SCLY: variants seen among roughly 807,000 people sequenced by gnomAD.
SCLY encodes the protein selenocysteine lyase.
SCLY carries 38 observed loss-of-function variants against 50.1 expected under a neutral mutation model. The observed-to-expected ratio is 0.76, with a 90% CI of 0.59 to 0.99. The LOEUF (loss-of-function observed/expected upper bound fraction) is 0.99, where lower values mean the gene tolerates loss of function less well. Among genes scored for constraint, SCLY ranks in the 50% least tolerant of loss-of-function variants. The pLI, the probability that SCLY is intolerant of heterozygous loss-of-function variation, is 0.00. For synonymous variants in SCLY, 243 were observed against 249.4 expected, an observed-to-expected ratio of 0.97 and a Z score of 0.24; for missense variants, 600 against 620.0, an observed-to-expected ratio of 0.97 and a Z score of 0.34.
At chr2:238,062,657 C>T (rs2065029152) in intron 1 of SCLY, among the ~76,000 whole-genome samples, 1 of 152,232 alleles carries the variant, frequency 6.6e-6, no homozygotes, top group Admixed American at 6.5e-5. Flanking sequence ...GGTGATCTGC[C>T]CGCCTTGGCC....
At chr2:238,061,653 T>A (rs1160721144) in intron 1 of SCLY, among the ~76,000 whole-genome samples, 1 of 152,064 alleles carries the variant, frequency 6.6e-6, no homozygotes, top group Non-Finnish European at 1.5e-5. Flanking sequence ...CAGTTGGGGA[T>A]CTTGTAACAA....
chr2:238,062,505 G>A (rs1425372666), intron 1 of SCLY, among the ~76,000 whole-genome samples: 3 of 151,970 alleles, frequency 2.0e-5, no homozygotes, highest in African/African-American at 4.8e-5. Flanking sequence ...CACTGCCCGG[G>A]TTCAAACGAT....
chr2:238,077,864 T>C (rs968142189), intron 4 of SCLY, among the ~76,000 whole-genome samples: 1 of 151,634 alleles, frequency 6.6e-6, no homozygotes, highest in Admixed American at 6.6e-5. Flanking sequence ...ATGTGAATAA[T>C]AGGAAAAGGG....
intron 8 of SCLY, chr2:238,092,870 A>T (rs1242823684): frequency 6.5e-6 from 1 of 153,084 alleles, no homozygotes; most frequent in African/African-American, 2.4e-5. Flanking sequence ...GCAGCCCTGC[A>T]CCTGAGCCCT....
chr2:238,062,089 A>T (rs116754386), intron 1 of SCLY, among the ~76,000 whole-genome samples: 3,420 of 152,298 alleles, frequency 0.022, 57 homozygotes, highest in Non-Finnish European at 0.034. Context: ...TTATGAAGCT[A>T]ACAAAGTTGA....
chr2:238,076,320 G>A (rs2065173558), intron 4 of SCLY, among the ~76,000 whole-genome samples: 2 of 152,104 alleles, frequency 1.3e-5, no homozygotes, highest in Admixed American at 1.3e-4. Context: ...TCGAACTCCT[G>A]AACTCAAGTG....
chr2:238,091,215 C>T lies in SCLY; in HGVS notation c.885-3C>T. 1 of 1,612,638 alleles carries T rather than the reference C, an allele frequency of 6.2e-7. No individual in the cohort carries two copies. Among genetic ancestry groups the T allele is most frequent in the Non-Finnish European group, 8.5e-7 (1 of 1,178,684 alleles). ...TTCTTGCTTAATCCCTTGTTTCTTA[C>T]AGGACAGAGAACACCCCAATGATTG... On this transcript the variant is annotated splice_polypyrimidine_tract_variant and splice_region_variant and intron_variant, in intron 7 of 11. Coordinates refer to ENST00000254663, the MANE Select transcript of SCLY (RefSeq NM_016510.7).
In SCLY at chr2:238,083,297, T is replaced by C. The variant is rs35637307; in HGVS notation, c.827T>C (p.Phe276Ser). ...CTTTATATACGAGGACTTGGTGAAT[T>C]TACCCCTCTCTACCCTATGCTATTT... is the stretch of plus-strand genomic sequence containing the variant. Reference protein sequence around the residue: ...GALYIRGLGEFTPLYPMLFGG... With the variant: ...GALYIRGLGESTPLYPMLFGG... Residue 276 changes from phenylalanine (F) to serine (S), a missense_variant, in exon 7 of 12, where the codon TTT becomes TCT. Coordinates refer to ENST00000254663, the MANE Select transcript of SCLY (RefSeq NM_016510.7). This position sits in a 1 kb window ranked among gnomAD's most constrained non-coding sequence, Gnocchi z 4.3. 4.7e-3 allele frequency: 7,561 copies of C among 1,613,952 alleles called. 311 individuals carry two copies. The African/African-American group carries it at 0.09, about 19-fold the overall frequency.
chr2:238,091,596 C>A, intron 8 of SCLY: 1 of 319,708 alleles, frequency 3.1e-6, no homozygotes, highest in Non-Finnish European at 6.1e-6. Flanking sequence ...CGTTCTGTCC[C>A]CGATTGGTCT....
rs770235735 is a variant in SCLY, at chr2:238,094,421, C to A, written c.1007C>A (p.Ala336Asp). The A allele has an allele frequency of 1.6e-5, 26 of 1,611,578 alleles. No homozygotes were observed. In the South Asian group the frequency reaches 2.8e-4, roughly 17 times the overall value. Residue 336 changes from alanine to aspartate, a missense_variant and splice_region_variant, in exon 10 of 12, where the codon GCT (alanine) becomes GAT (aspartate). Coordinates refer to ENST00000254663, the MANE Select transcript of SCLY (RefSeq NM_016510.7). ...AAATATTTCACTTATTTTTTTCAGGCTGAATTCGGTCAGAAGAGAATCCAT... is the reference window on the plus strand; with the variant it reads ...AAATATTTCACTTATTTTTTTCAGGATGAATTCGGTCAGAAGAGAATCCAT... ...VRDYLEERLE[A>D]EFGQKRIHLN...
chr2:238,089,166 C>T (rs775404917), intron 7 of SCLY, among the ~76,000 whole-genome samples: 65 of 151,942 alleles, frequency 4.3e-4, no homozygotes, highest in Non-Finnish European at 7.5e-4. Context: ...ATACCATTTA[C>T]AATGAAACAA....
rs756727387 is a variant in SCLY, at chr2:238,083,311, C to T, written c.841C>T (p.Pro281Ser). The change falls in exon 7 of 12, where the codon CCT becomes TCT. Residue 281 changes from proline to serine, a missense_variant. Physicochemically the swap from Pro to Ser is moderately conservative, Grantham distance 74. Transcript: ENST00000254663. The surrounding 1 kb of genome is among the most constrained non-coding windows in gnomAD (Gnocchi z 4.3). ...RGLGEFTPLY[P>S]MLFGGGQERN... ...ACTTGGTGAATTTACCCCTCTCTAC[C>T]CTATGCTATTTGGAGGTGGACAAGA... The T allele has an allele frequency of 5.0e-6, 8 of 1,613,818 alleles. No individual in the cohort carries two copies. The Admixed American group carries it at 1.2e-4, about 24-fold the overall frequency.
chr2:238,098,114 C>A, intron 11 of SCLY, 88 bp from the exon 12 acceptor site: 1 of 1,486,050 alleles, frequency 6.7e-7, no homozygotes, highest in East Asian at 2.4e-5. Flanking sequence ...GGGCAGAGCC[C>A]CACTAGGGGA....
intron 8 of SCLY, chr2:238,091,542 A>ACCT: frequency 1.1e-5 from 4 of 361,634 alleles, no homozygotes; most frequent in Admixed American, 4.3e-5. Flanking sequence ...GTCAAGCTGC[A>ACCT]GGTTCACCAT....
At chr2:238,094,566 C>T (rs368179578) in intron 10 of SCLY, 44 bp downstream of exon 10, 270 of 1,493,878 alleles carry the variant, frequency 1.8e-4, no homozygotes, top group Admixed American at 3.0e-4. Context: ...GAGCACAGCT[C>T]CCTCGGTGCG....
intron 4 of SCLY, among the ~76,000 whole-genome samples, chr2:238,075,762 G>A (rs2106442004): frequency 6.6e-6 from 1 of 151,820 alleles, no homozygotes; most frequent in South Asian, 2.1e-4. Context: ...TCTCTGTCTT[G>A]TTCAATTTAG....
Position 238,094,476 on chromosome 2 carries a change from G to A in SCLY, c.1062G>A (p.Arg354=), listed in dbSNP as rs749656830. ...ATAGCCAGTTTCCAGGCACCCAGCG[G>A]CTTCCCAATACCTGTAACTTTTCCA... The part of the protein sequence containing the change: ...HLNSQFPGTQ[R]LPNTCNFSIR... Residue 354 remains arginine (R), a synonymous_variant, in exon 10 of 12, where the codon CGG becomes CGA. Transcript: ENST00000254663. The A allele has an allele frequency of 1.1e-5, 18 of 1,614,088 alleles. No homozygotes were observed. Among genetic ancestry groups the A allele is most frequent in the Non-Finnish European group, 1.4e-5 (16 of 1,180,034 alleles).
chr2:238,090,958 G>C (rs897225292), intron 7 of SCLY, among the ~76,000 whole-genome samples: 7 of 148,568 alleles, frequency 4.7e-5, no homozygotes, highest in African/African-American at 1.2e-4. Flanking sequence ...GTAGGAAAAG[G>C]GTCCAGATAG....
chr2:238,091,532 G>T, intron 8 of SCLY: 9 of 454,230 alleles, frequency 2.0e-5, no homozygotes, highest in East Asian at 1.2e-4. Flanking sequence ...GAGGTGAAGT[G>T]TCAAGCTGCA....
Sources: allele counts gnomAD v4.1 joint callset (sites outside exome capture counted in the v4.1 genomes callset), GRCh38; gene constraint gnomAD v4.1.1; non-coding constraint Gnocchi (gnomAD v3.1); transcripts MANE v1.5; gene names NCBI Gene and HGNC (gene_info 2026-07-23, HGNC 2026-07-21).